The following NIPAL2 variants were observed in gnomAD, a reference collection of about 807,000 sequenced individuals.
NIPAL2 encodes the protein NIPA like domain containing 2, also known as NIPA-like protein 2.
Under a neutral mutation model 48.9 loss-of-function variants are expected in NIPAL2, and 43 were observed. The observed-to-expected ratio is 0.88, with a 90% CI of 0.69 to 1.13. NIPAL2 has a LOEUF of 1.13. Ranked by LOEUF, NIPAL2 falls within the 50% of genes most tolerant of loss-of-function variation. The pLI, the probability that NIPAL2 is intolerant of heterozygous loss-of-function variation, is 0.00. For synonymous variants in NIPAL2, 167 were observed against 174.6 expected (o/e 0.96, Z 0.34); for missense variants, 446 against 461.4 (o/e 0.97, Z 0.31).
intron 4 of NIPAL2, among the ~76,000 whole-genome samples, chr8:98,230,720 T>C (rs780756339): frequency 2.0e-5 from 3 of 152,156 alleles, no homozygotes; most frequent in Non-Finnish European, 2.9e-5. Context: ...AAAAATGTGG[T>C]TGGAGGAAAA....
intron 1 of NIPAL2, among the ~76,000 whole-genome samples, chr8:98,274,023 G>A (rs4735547): frequency 0.81 from 123,207 of 151,930 alleles, 50,586 homozygotes; most frequent in Non-Finnish European, 0.88. Context: ...GAAGTTGGTT[G>A]CCACTTTAAT....
Position 98,203,061 on chromosome 8 carries a change from C to G in NIPAL2, c.880+47G>C, listed in dbSNP as rs760026230. ...ATTCTCTCATTTACTCTGGGAGAAA[C>G]TTCATTTATGCTTGGAATCACCAAT... On this transcript the variant is annotated intron_variant, in intron 8 of 10. Transcript: ENST00000430223. 9 of 1,414,464 alleles carry G rather than the reference C, an allele frequency of 6.4e-6. No homozygotes were observed. The South Asian group carries it at 1.0e-4, about 16-fold the overall frequency. 87.6% of individuals were successfully genotyped at this position (1,414,464 alleles called of 1,614,324 possible).
intron 3 of NIPAL2, among the ~76,000 whole-genome samples, chr8:98,239,264 C>CA (rs1429719277): frequency 6.6e-6 from 1 of 152,178 alleles, no homozygotes; most frequent in Non-Finnish European, 1.5e-5. Flanking sequence ...CTGATCCATC[C>CA]ATTTAAAACA....
intron 3 of NIPAL2, among the ~76,000 whole-genome samples, chr8:98,238,830 AAG>A (rs551306685): frequency 5.9e-5 from 9 of 152,320 alleles, no homozygotes; most frequent in African/African-American, 1.9e-4. Flanking sequence ...TCATTAAAGT[AAG>A]AAATGAATTT....
At chr8:98,273,401 G>T (rs1815254863) in intron 1 of NIPAL2, among the ~76,000 whole-genome samples, 1 of 152,024 alleles carries the variant, frequency 6.6e-6, no homozygotes, top group South Asian at 2.1e-4. Context: ...GGGTGAGGGG[G>T]TTTCTTTTTG....
chr8:98,253,124 T>A (rs1813684335), intron 2 of NIPAL2, among the ~76,000 whole-genome samples: 1 of 152,262 alleles, frequency 6.6e-6, no homozygotes, highest in African/African-American at 2.4e-5. Flanking sequence ...GTAACCCTTA[T>A]TTTACTTACT....
chr8:98,222,641 C>T (rs768680994), intron 4 of NIPAL2, 41 bp from the exon 5 acceptor site: 1 of 1,605,992 alleles, frequency 6.2e-7, no homozygotes, highest in Admixed American at 1.7e-5. Context: ...TTGAAACCAA[C>T]CTAAAGCTTT....
At chr8:98,245,877 A>G (rs1202847590) in intron 3 of NIPAL2, among the ~76,000 whole-genome samples, 1 of 152,246 alleles carries the variant, frequency 6.6e-6, no homozygotes, top group African/African-American at 2.4e-5. Flanking sequence ...GTTTTTGGAC[A>G]AACACGCAAA....
At chr8:98,255,403 G>A (rs1813828492) in intron 1 of NIPAL2, among the ~76,000 whole-genome samples, 1 of 152,168 alleles carries the variant, frequency 6.6e-6, no homozygotes, top group Non-Finnish European at 1.5e-5. Flanking sequence ...AATTTCAAAT[G>A]AGCATTGCAA....
intron 1 of NIPAL2, among the ~76,000 whole-genome samples, chr8:98,260,559 C>T (rs1263182587): frequency 2.6e-5 from 4 of 151,926 alleles, no homozygotes; most frequent in Non-Finnish European, 5.9e-5. Flanking sequence ...CCGAATACTG[C>T]GCTTTTCCGA....
intron 5 of NIPAL2, among the ~76,000 whole-genome samples, chr8:98,219,526 C>G (rs1586331985): frequency 6.6e-6 from 1 of 151,884 alleles, no homozygotes; most frequent in South Asian, 2.1e-4. Flanking sequence ...GAATCAGGAC[C>G]AAAAAAAGCA....
At chr8:98,219,433 G>A (rs1811736655) in intron 5 of NIPAL2, among the ~76,000 whole-genome samples, 1 of 152,072 alleles carries the variant, frequency 6.6e-6, no homozygotes. Flanking sequence ...AGAGAGACAG[G>A]GAAAACATTT....
rs562906240 is a variant in NIPAL2, at chr8:98,236,323, C to T, written c.377-109G>A. ...GTGCCTTATGCCTGATGAGCTATGT[C>T]CTGATCAGAGACATTCAGCAGTTGT... On this transcript the variant is annotated intron_variant, in intron 3 of 10. Transcript: ENST00000430223. 3 of 664,282 alleles carry T rather than the reference C, an allele frequency of 4.5e-6. No individual in the cohort carries two copies. In the African/African-American group the frequency reaches 5.7e-5, roughly 13 times the overall value. 41.1% of individuals were successfully genotyped at this position (664,282 alleles called of 1,614,324 possible).
At chr8:98,272,550 G>A (rs1405490897) in intron 1 of NIPAL2, among the ~76,000 whole-genome samples, 1 of 151,756 alleles carries the variant, frequency 6.6e-6, no homozygotes, top group African/African-American at 2.4e-5. Flanking sequence ...TTAAGAAACA[G>A]TTTCAATACA....
intron 4 of NIPAL2, among the ~76,000 whole-genome samples, chr8:98,234,459 G>T (rs1470251458): frequency 6.6e-6 from 1 of 152,046 alleles, no homozygotes; most frequent in Non-Finnish European, 1.5e-5. Context: ...TTAGATAAAA[G>T]GATTTAAAGT....
At chr8:98,269,319 T>A (rs1391102764) in intron 1 of NIPAL2, among the ~76,000 whole-genome samples, 1 of 152,242 alleles carries the variant, frequency 6.6e-6, no homozygotes. Flanking sequence ...TTATGGCAGC[T>A]ATAGTCTTAC....
chr8:98,264,758 T>A (rs1814599351), intron 1 of NIPAL2, among the ~76,000 whole-genome samples: 1 of 152,098 alleles, frequency 6.6e-6, no homozygotes, highest in Admixed American at 6.5e-5. Context: ...AATGCCTTTC[T>A]TCATAGAATT....
intron 2 of NIPAL2, among the ~76,000 whole-genome samples, chr8:98,252,857 C>T (rs1198041222): frequency 6.6e-6 from 1 of 152,108 alleles, no homozygotes; most frequent in Non-Finnish European, 1.5e-5. Context: ...CCCCGATCCA[C>T]GGATTCATTT....
At chr8:98,266,468 A>G (rs1434993341) in intron 1 of NIPAL2, among the ~76,000 whole-genome samples, 1 of 150,808 alleles carries the variant, frequency 6.6e-6, no homozygotes, top group Non-Finnish European at 1.5e-5. Context: ...CAGGCATAGC[A>G]GCGTGCACCT....
Sources: gnomAD v4.1 joint callset for allele counts (sites outside exome capture counted in the v4.1 genomes callset) on GRCh38, gnomAD v4.1.1 for gene constraint, MANE v1.5 for transcripts, NCBI Gene and HGNC (gene_info 2026-07-23, HGNC 2026-07-21) for gene names.